The following ZNF208 variants were observed in gnomAD, a reference collection of about 807,000 sequenced individuals.
ZNF208 encodes the protein zinc finger protein 208, also known as zinc finger protein 95.
Under a neutral mutation model 12.1 loss-of-function variants are expected in ZNF208, and 10 were observed. That is an observed-to-expected ratio of 0.83 (90% CI 0.51 to 1.40). The LOEUF (loss-of-function observed/expected upper bound fraction) is 1.40. ZNF208 is among the 40% of genes most tolerant of loss of function. The probability of loss-of-function intolerance (pLI) is 0.00; values close to 1 mark genes in which losing one functional copy is unlikely to be tolerated. For missense variants in ZNF208, 1,652 were observed against 1,485.0 expected, an observed-to-expected ratio of 1.11 and a Z score of -1.85; for synonymous variants, 497 against 488.4, an observed-to-expected ratio of 1.02 and a Z score of -0.23.
intron 1 of ZNF208, chr19:21,997,892 A>G (rs1970868753): frequency 6.6e-6 from 1 of 152,188 alleles, no homozygotes; most frequent in Non-Finnish European, 1.5e-5. Context: ...TCAAACAGAC[A>G]CACAATGCAT....
rs1453826369 is a variant in ZNF208, at chr19:21,969,132, CTTTA to C, written c.*2055_*2058del. Among the ~76,000 whole-genome samples the C allele has an allele frequency of 6.6e-6, 1 of 152,062 alleles. No individual in the cohort carries two copies. Among genetic ancestry groups the C allele is most frequent in the Non-Finnish European group, 1.5e-5 (1 of 68,004 alleles). ...CTGGAAGCTAGACCTTGGCTAATTTCTTTATTTCTTTTTAGTAAACATGTTTAGT... is the reference window on the plus strand; with the variant it reads ...CTGGAAGCTAGACCTTGGCTAATTTCTTTCTTTTTAGTAAACATGTTTAGT... On this transcript the variant is annotated 3_prime_UTR_variant, in exon 4 of 4. Coordinates refer to ENST00000397126, the MANE Select transcript of ZNF208 (RefSeq NM_007153.3).
intron 1 of ZNF208, among the ~76,000 whole-genome samples, chr19:22,009,323 A>C (rs1971101659): frequency 6.6e-6 from 1 of 152,210 alleles, no homozygotes; most frequent in African/African-American, 2.4e-5. Context: ...AGGGGGTGGC[A>C]GATAGACTTG....
intron 4 of ZNF208, among the ~76,000 whole-genome samples, chr19:21,942,933 G>A (rs9630896): frequency 0.016 from 2,372 of 152,274 alleles, 64 homozygotes; most frequent in African/African-American, 0.054. Context: ...ACAGGTGTGA[G>A]CCACCGCACC....
chr19:21,971,196 G>T lies in ZNF208; in HGVS notation c.3838C>A (p.Leu1280Ile), dbSNP rs1318687697. 4 of 1,611,530 alleles carry T rather than the reference G, an allele frequency of 2.5e-6. No homozygotes were observed. Among genetic ancestry groups the T allele is most frequent in the Non-Finnish European group, 3.4e-6 (4 of 1,179,460 alleles). ...TTGCCACATTCTTCACATTTCTAGA[G>T]TTTCTCTCCAGTATGAATTTTCTTA... ...KHKKIHTGEK[L>I] Residue 1280 changes from leucine (L) to isoleucine (I), a missense_variant, in exon 4 of 4, where the codon CTC (leucine) becomes ATC (isoleucine). Physicochemically the swap from Leu to Ile is conservative, Grantham distance 5. Transcript: ENST00000397126.
In ZNF208 at chr19:21,973,804, T is replaced by G. The variant is rs547126951; in HGVS notation, c.1230A>C (p.Ser410=). Residue 410 remains serine, a synonymous_variant, in exon 4 of 4, where the codon TCA becomes TCC. Coordinates refer to ENST00000397126, the MANE Select transcript of ZNF208 (RefSeq NM_007153.3). ...EECGKGFSMF[S]ILTKHEVIHT... ...GAATGACCTCATGTTTAGTAAGGATTGAGAACATACTAAAACCTTTGCCAC... is the reference window on the plus strand; with the variant it reads ...GAATGACCTCATGTTTAGTAAGGATGGAGAACATACTAAAACCTTTGCCAC... 19 of 1,605,674 alleles carry G rather than the reference T, an allele frequency of 1.2e-5. No homozygotes were observed. The highest frequency in any genetic ancestry group is 4.5e-5 in the East Asian group (2 of 44,570).
rs1378923783 is a variant in ZNF208, at chr19:21,988,831, A to T, written c.82T>A (p.Leu28Ile). Residue 28 changes from leucine (L) to isoleucine (I), a missense_variant, in exon 2 of 4, where the codon TTA (leucine) becomes ATA (isoleucine). Leu to Ile is a conservative substitution (Grantham distance 5). Around this residue, in one of 3 missense-constraint regions of ZNF208, gnomAD observed 410 missense variants for 378.2 expected, o/e 1.08. Transcript: ENST00000397126. ...TTCTCTAACATCACATTTCTATATAAATTCTGCTGTGCAGTGTCCAGGCAT... is the reference window on the plus strand; with the variant it reads ...TTCTCTAACATCACATTTCTATATATATTCTGCTGTGCAGTGTCCAGGCAT... ...WQCLDTAQQNLYRNVMLENYR... is the reference protein window; with the variant it reads ...WQCLDTAQQNIYRNVMLENYR... 6.2e-7 allele frequency: 1 copy of T among 1,614,022 alleles called. No homozygotes were observed. Among genetic ancestry groups the T allele is most frequent in the African/African-American group, 1.3e-5 (1 of 74,930 alleles).
At chr19:21,951,856 T>C (rs557025749) in intron 4 of ZNF208, among the ~76,000 whole-genome samples, 1 of 152,308 alleles carries the variant, frequency 6.6e-6, no homozygotes, top group African/African-American at 2.4e-5. Context: ...TCACCTCACC[T>C]GGGAGGCACA....
downstream of ZNF208, among the ~76,000 whole-genome samples, chr19:21,961,833 A>G (rs1465330523): frequency 1.3e-5 from 2 of 152,096 alleles, no homozygotes; most frequent in African/African-American, 4.8e-5. Context: ...GGCAGACCTT[A>G]TGGTTGTCTT....
At chr19:21,996,424 A>G (rs1037817488) in intron 1 of ZNF208, among the ~76,000 whole-genome samples, 4 of 152,214 alleles carry the variant, frequency 2.6e-5, no homozygotes, top group African/African-American at 4.8e-5. Context: ...TTTAATTTAT[A>G]GCTACTTGTG....
chr19:21,965,265 T>G (rs1408709798), downstream of ZNF208, among the ~76,000 whole-genome samples: 1 of 152,106 alleles, frequency 6.6e-6, no homozygotes, highest in African/African-American at 2.4e-5. Context: ...CACTTTCGTT[T>G]TGTCAGTTTT....
chr19:21,959,125 T>G (rs1220030971), intron 4 of ZNF208, among the ~76,000 whole-genome samples: 1 of 152,058 alleles, frequency 6.6e-6, no homozygotes, highest in Non-Finnish European at 1.5e-5. Context: ...ATTTTAATAG[T>G]TTTATGTCTG....
rs1345404150 is a variant in ZNF208, at chr19:21,974,130, T to C, written c.904A>G (p.Thr302Ala). The change falls in exon 4 of 4, where the codon ACA becomes GCA. Residue 302 changes from threonine (T) to alanine (A), a missense_variant. Physicochemically the swap from Thr to Ala is moderately conservative, Grantham distance 58. Transcript: ENST00000397126. ...KAFSKVSTLT[T>A]HKAIHAGEKP... Reference sequence around the variant, plus strand: ...TCTCCAGCATGAATTGCCTTATGTGTAGTAAGAGTCGAGACCTTACTAAAG... The same window carrying C: ...TCTCCAGCATGAATTGCCTTATGTGCAGTAAGAGTCGAGACCTTACTAAAG... 6.2e-7 allele frequency: 1 copy of C among 1,609,150 alleles called. No individual in the cohort carries two copies. Among genetic ancestry groups the C allele is most frequent in the Non-Finnish European group, 8.5e-7 (1 of 1,177,946 alleles).
intron 3 of ZNF208, among the ~76,000 whole-genome samples, chr19:21,982,911 G>A (rs185254573): frequency 1.9e-4 from 29 of 152,148 alleles, no homozygotes; most frequent in African/African-American, 5.8e-4. Flanking sequence ...CATAAAAACC[G>A]TAGAAGAAAA....
intron 3 of ZNF208, 101 bp from the exon 4 acceptor site, chr19:21,974,908 A>T (rs975584147): frequency 3.7e-6 from 5 of 1,344,520 alleles, no homozygotes; most frequent in Non-Finnish European, 4.9e-6. Flanking sequence ...CATAAGCAAG[A>T]TGACACTGCA....
Position 21,948,980 on chromosome 19 carries a change from G to A in ZNF208, c.306-15743C>T, listed in dbSNP as rs368724464. Reference sequence around the variant, plus strand: ...AAAACACTTCCTGATGTGCATATTAGAAAGCTTGCAAAGAACCACAATCAA... The same window carrying A: ...AAAACACTTCCTGATGTGCATATTAAAAAGCTTGCAAAGAACCACAATCAA... On this transcript the variant is annotated intron_variant, in intron 4 of 4. Coordinates refer to the ZNF208 transcript ENST00000599916. Among the ~76,000 whole-genome samples, 294 of 152,272 alleles carry A rather than the reference G, an allele frequency of 1.9e-3. 1 individual carries two copies. Among genetic ancestry groups the A allele is most frequent in the African/African-American group, 6.7e-3 (277 of 41,568 alleles).
chr19:21,997,457 A>G (rs1970857365), intron 1 of ZNF208, among the ~76,000 whole-genome samples: 1 of 152,026 alleles, frequency 6.6e-6, no homozygotes, highest in African/African-American at 2.4e-5. Flanking sequence ...GGCTATTTAC[A>G]TTTTAAAGCA....
Position 21,966,544 on chromosome 19 carries a change from G to A in ZNF208, c.*4647C>T, listed in dbSNP as rs1970171665. ...CTGGTTAAATTCTGTTTTTGCTATTGTGAATAGTGCTGCAATGAACATGTG... is the reference window on the plus strand; with the variant it reads ...CTGGTTAAATTCTGTTTTTGCTATTATGAATAGTGCTGCAATGAACATGTG... On this transcript the variant is annotated 3_prime_UTR_variant, in exon 4 of 4. Transcript: ENST00000397126. 2 of 152,082 alleles carry A rather than the reference G, an allele frequency of 1.3e-5. No homozygotes were observed. Among genetic ancestry groups the A allele is most frequent in the South Asian group, 4.1e-4 (2 of 4,828 alleles). The allele number at this position is 152,082 out of a possible 1,614,324, so 9.4% of individuals were successfully genotyped here.
At chr19:21,999,698 A>G (rs1429923500) in intron 1 of ZNF208, among the ~76,000 whole-genome samples, 1 of 152,182 alleles carries the variant, frequency 6.6e-6, no homozygotes, top group Non-Finnish European at 1.5e-5. Flanking sequence ...TGCCAAGACA[A>G]AAAGAAAGCA....
Position 21,974,707 on chromosome 19 carries a change from C to A in ZNF208, c.327G>T (p.Glu109Asp), listed in dbSNP as rs780221496. The A allele has an allele frequency of 6.2e-7, 1 of 1,613,512 alleles. No individual in the cohort carries two copies. The highest frequency in any genetic ancestry group is 1.3e-5 in the African/African-American group (1 of 75,014). The change falls in exon 4 of 4, where the codon GAG becomes GAT. Residue 109 changes from glutamate (E) to aspartate (D), a missense_variant. Around this residue, in one of 3 missense-constraint regions of ZNF208, gnomAD observed 410 missense variants for 378.2 expected, o/e 1.08. Transcript: ENST00000397126. The stretch of plus-strand genomic sequence containing the variant: ...TATAACCAATTTTTAAGTGTAAATT[C>A]TCATGTCCACATTTTTCATACCTTC... The part of the protein sequence containing the change: ...ILRRYEKCGH[E>D]NLHLKIGYTN...
Sources: allele counts gnomAD v4.1 joint callset (sites outside exome capture counted in the v4.1 genomes callset), GRCh38; gene constraint gnomAD v4.1.1; regional missense constraint gnomAD v4.1.1; transcripts MANE v1.5; gene names NCBI Gene and HGNC (gene_info 2026-07-23, HGNC 2026-07-21).